TENM2: variants seen among roughly 807,000 people sequenced by gnomAD.
TENM2 encodes the protein teneurin-2.
A neutral mutation model predicts 245.2 loss-of-function variants in TENM2; 52 were observed. The ratio of observed to expected loss-of-function variants is 0.21; its 90% CI spans 0.17 to 0.27. The LOEUF (loss-of-function observed/expected upper bound fraction) is 0.27. Ranked by LOEUF, TENM2 falls within the 10% of genes least tolerant of loss-of-function variation. The pLI is 1.00. For missense variants in TENM2, 3,046 were observed against 3,666.8 expected (o/e 0.83, Z 4.37); for synonymous variants, 1,363 against 1,438.9 (o/e 0.95, Z 1.19).
chr5:167,211,125 G>T, the TENM2 span, among the ~76,000 whole-genome samples: 1 of 152,088 alleles, frequency 6.6e-6, no homozygotes, highest in Admixed American at 6.5e-5. Flanking sequence ...ATTATTTCTT[G>T]TCACCTGATT....
intron 3 of TENM2, among the ~76,000 whole-genome samples, chr5:167,905,435 C>T (rs972880838): frequency 2.6e-5 from 4 of 152,132 alleles, no homozygotes; most frequent in African/African-American, 7.2e-5. Flanking sequence ...CATACCAGCT[C>T]GTAACAGTGG....
chr5:167,875,776 C>G (rs541921088), intron 2 of TENM2, among the ~76,000 whole-genome samples: 1 of 152,060 alleles, frequency 6.6e-6, no homozygotes, highest in East Asian at 1.9e-4. Context: ...CTGCTCATGT[C>G]CTTTTTCTGA....
intron 9 of TENM2, among the ~76,000 whole-genome samples, chr5:168,112,046 C>A (rs1794705676): frequency 6.6e-6 from 1 of 152,084 alleles, no homozygotes; most frequent in Non-Finnish European, 1.5e-5. Flanking sequence ...CTTAGGGTAT[C>A]CTTTGTCACA....
chr5:167,925,576 C>G (rs762762753), intron 3 of TENM2, among the ~76,000 whole-genome samples: 3 of 152,178 alleles, frequency 2.0e-5, no homozygotes, highest in Non-Finnish European at 4.4e-5. Context: ...AGCAGAATTA[C>G]CATTCAAGCC....
intron 2 of TENM2, among the ~76,000 whole-genome samples, chr5:167,620,585 C>CA (rs1394220700): frequency 1.8e-5 from 2 of 113,288 alleles, no homozygotes; most frequent in African/African-American, 3.3e-5. Flanking sequence ...GAACTGAGCT[C>CA]AAAATGTGCT....
intron 2 of TENM2, among the ~76,000 whole-genome samples, chr5:167,518,607 A>T (rs1015153815): frequency 3.3e-5 from 5 of 152,114 alleles, no homozygotes; most frequent in African/African-American, 1.2e-4. Context: ...GTGACTGTTC[A>T]TACACTCTTC....
At chr5:167,464,318 A>G (rs539956886) in intron 2 of TENM2, among the ~76,000 whole-genome samples, 4 of 152,274 alleles carry the variant, frequency 2.6e-5, no homozygotes, top group South Asian at 2.1e-4. Context: ...GAGTAGGGCA[A>G]TGTTAAGCAG....
chr5:167,945,365 A>C (rs1261863630), intron 3 of TENM2, among the ~76,000 whole-genome samples: 1 of 152,180 alleles, frequency 6.6e-6, no homozygotes. Context: ...AAATTTAAGG[A>C]GAGAGAATTA....
chr5:167,801,975 G>C (rs1401951926), intron 2 of TENM2, among the ~76,000 whole-genome samples: 1 of 151,958 alleles, frequency 6.6e-6, no homozygotes, highest in Non-Finnish European at 1.5e-5. Flanking sequence ...GACTTCTGGA[G>C]ACTGAAAGTC....
intron 2 of TENM2, among the ~76,000 whole-genome samples, chr5:167,424,972 T>C (rs1036164422): frequency 5.3e-5 from 8 of 152,202 alleles, no homozygotes; most frequent in Non-Finnish European, 5.9e-5. Flanking sequence ...TTATTATAAG[T>C]ATATCACAAA....
chr5:167,425,321 C>T (rs1763745594), intron 2 of TENM2, among the ~76,000 whole-genome samples: 1 of 152,140 alleles, frequency 6.6e-6, no homozygotes, highest in Non-Finnish European at 1.5e-5. Context: ...CTGGTAAGAG[C>T]TTGGACTCCG....
intron 2 of TENM2, among the ~76,000 whole-genome samples, chr5:167,656,859 A>C (rs1430515574): frequency 6.6e-6 from 1 of 151,938 alleles, no homozygotes; most frequent in Non-Finnish European, 1.5e-5. Flanking sequence ...ACATATTTAT[A>C]GGGTACATAG....
At chr5:167,918,311 C>T (rs1258902642) in intron 3 of TENM2, among the ~76,000 whole-genome samples, 2 of 152,152 alleles carry the variant, frequency 1.3e-5, no homozygotes, top group African/African-American at 2.4e-5. Context: ...GTGACTGGTT[C>T]CCTGGGGCCC....
the TENM2 span, among the ~76,000 whole-genome samples, chr5:167,032,358 T>C: frequency 6.6e-6 from 1 of 152,160 alleles, no homozygotes. Context: ...TGCCTCTGCT[T>C]TTGGGTTTCT....
At chr5:167,883,635 A>G (rs1453992938) in intron 3 of TENM2, among the ~76,000 whole-genome samples, 2 of 152,090 alleles carry the variant, frequency 1.3e-5, no homozygotes, top group Non-Finnish European at 2.9e-5. Context: ...CTACCTCTCC[A>G]TTTCTGTCCC....
chr5:167,435,781 A>G (rs773298328), intron 2 of TENM2, among the ~76,000 whole-genome samples: 1 of 152,042 alleles, frequency 6.6e-6, no homozygotes, highest in Non-Finnish European at 1.5e-5. Flanking sequence ...TGATATGGAC[A>G]ATAAAATCCA....
At chr5:167,030,463 C>T in the TENM2 span, among the ~76,000 whole-genome samples, 10 of 152,158 alleles carry the variant, frequency 6.6e-5, no homozygotes, top group South Asian at 2.1e-4. Context: ...CCCGTTACCC[C>T]CAGCGCTTTC....
chr5:167,608,830 G>T (rs924403253), intron 2 of TENM2, among the ~76,000 whole-genome samples: 1 of 152,158 alleles, frequency 6.6e-6, no homozygotes, highest in Admixed American at 6.5e-5. Flanking sequence ...AAGCTTGTCA[G>T]ATGGGACACC....
rs1049811953 is a variant in TENM2 at position 168,228,732 on chromosome 5, A to C, written c.5520+602A>C. 4.6e-4 allele frequency among the ~76,000 whole-genome samples: 40 copies of C among 86,300 alleles called. No individual in the cohort carries two copies. The African/African-American group carries it at 4.7e-3, about 10-fold the overall frequency. 56.6% of individuals were successfully genotyped at this position (86,300 alleles called of 152,430 possible). On this transcript the variant is annotated intron_variant, in intron 25 of 28. Coordinates refer to ENST00000518659, the Ensembl canonical transcript of TENM2. Reference sequence around the variant, plus strand: ...CCACTCAGCCTGAGAGGTTCAGGGAAGATTTCCCAAGAGGAAGTAACAACT... The same window carrying C: ...CCACTCAGCCTGAGAGGTTCAGGGACGATTTCCCAAGAGGAAGTAACAACT...
Sources: allele counts gnomAD v4.1 joint callset (sites outside exome capture counted in the v4.1 genomes callset), GRCh38; gene constraint gnomAD v4.1.1; transcripts MANE v1.5; gene names NCBI Gene and HGNC (gene_info 2026-07-23, HGNC 2026-07-21).